Variants in B4GALNT2 observed in about 807,000 individuals in gnomAD.
B4GALNT2 encodes beta-1,4-N-acetyl-galactosaminyltransferase 2 (SID blood group).
Under a neutral mutation model 51.1 loss-of-function variants are expected in B4GALNT2, and 42 were observed. The observed-to-expected ratio is 0.82, with a 90% CI of 0.64 to 1.06. The LOEUF (loss-of-function observed/expected upper bound fraction) is 1.06. B4GALNT2 is among the 50% of genes least tolerant of loss of function. B4GALNT2 has a pLI of 0.00. For missense variants in B4GALNT2, 602 were observed against 633.6 expected (o/e 0.95, Z 0.54); for synonymous variants, 253 against 251.7 (o/e 1.01, Z -0.05).
intron 1 of B4GALNT2, among the ~76,000 whole-genome samples, chr17:49,138,327 C>G (rs2042608640): frequency 6.6e-6 from 1 of 152,182 alleles, no homozygotes; most frequent in African/African-American, 2.4e-5. Flanking sequence ...TATGGGCCAC[C>G]TAAGAGTCTG....
chr17:49,173,238 G>A lies in B4GALNT2; in HGVS notation c.*3510G>A, dbSNP rs979407066. ...AAAGCCATCAGTTGCTCATCTGTGT[G>A]GAATCGTAGTTGAGCATTTTCAATT... On this transcript the variant is annotated 3_prime_UTR_variant, in exon 11 of 11. Transcript: ENST00000393354. The A allele has an allele frequency of 1.3e-5, 2 of 152,190 alleles. No individual in the cohort carries two copies. The allele number at this position is 152,190 out of a possible 1,614,324, so 9.4% of individuals were successfully genotyped here. A position where few individuals can be genotyped will look rare whatever the true frequency, so the allele number is the denominator to read the frequency against.
At chr17:49,148,858 C>G in intron 3 of B4GALNT2, 1 of 224,122 alleles carries the variant, frequency 4.5e-6, no homozygotes, top group Non-Finnish European at 8.8e-6. Flanking sequence ...GAGATCAAGA[C>G]CATCCTGGCC....
At chr17:49,163,864 T>C (rs2042886095) in intron 7 of B4GALNT2, among the ~76,000 whole-genome samples, 2 of 150,876 alleles carry the variant, frequency 1.3e-5, no homozygotes, top group Admixed American at 1.3e-4. Flanking sequence ...AATGACATAG[T>C]GGAGCCAACA....
At position 49,166,194 on chromosome 17, in the gene B4GALNT2, C is replaced by A; in HGVS notation, c.1035C>A (p.Phe345Leu). 1 of 1,614,150 alleles carries A rather than the reference C, an allele frequency of 6.2e-7. No homozygotes were observed. Among genetic ancestry groups the A allele is most frequent in the Non-Finnish European group, 8.5e-7 (1 of 1,180,014 alleles). The part of the protein sequence containing the change: ...YVLWVDDDFL[F>L]NEETKIEVLV... ...TCTGGGTGGACGATGATTTTCTCTT[C>A]AACGAGGAGACCAAGATTGAGGTGC... Residue 345 changes from phenylalanine (F) to leucine (L), a missense_variant, in exon 9 of 11, where the codon TTC (phenylalanine) becomes TTA (leucine). Physicochemically the swap from Phe to Leu is conservative, Grantham distance 22. Coordinates refer to ENST00000393354, the MANE Select transcript of B4GALNT2 (RefSeq NM_001159387.2).
In B4GALNT2 at chr17:49,174,352, C is replaced by G. The variant is rs145061069; in HGVS notation, c.*4624C>G. The G allele has an allele frequency of 3.3e-5, 5 of 152,324 alleles. No individual in the cohort carries two copies. Among genetic ancestry groups the G allele is most frequent in the African/African-American group, 4.8e-5 (2 of 41,574 alleles). The allele number at this position is 152,324 out of a possible 1,614,324, so 9.4% of individuals were successfully genotyped here. On this transcript the variant is annotated 3_prime_UTR_variant, in exon 11 of 11. Transcript: ENST00000393354. Reference sequence around the variant, plus strand: ...GACTGTTTAACATGCCTTGTGGCAACAGTTTCCAGTGAAAATGCTTAGCAG... The same window carrying G: ...GACTGTTTAACATGCCTTGTGGCAAGAGTTTCCAGTGAAAATGCTTAGCAG...
At chr17:49,152,680 A>C in intron 3 of B4GALNT2, 120 bp from the exon 4 acceptor site, 1 of 678,482 alleles carries the variant, frequency 1.5e-6, no homozygotes, top group Non-Finnish European at 2.4e-6. Context: ...AGACAGGGAC[A>C]ACCCAATTTT....
At chr17:49,139,389 C>T (rs972958589) in intron 1 of B4GALNT2, among the ~76,000 whole-genome samples, 4 of 152,176 alleles carry the variant, frequency 2.6e-5, no homozygotes, top group Admixed American at 2.6e-4. Context: ...CAGGCCTGGG[C>T]CACCATGCCC....
At chr17:49,162,827 C>T (rs111607347) in intron 7 of B4GALNT2, among the ~76,000 whole-genome samples, 1,685 of 134,856 alleles carry the variant, frequency 0.012, 28 homozygotes, top group African/African-American at 0.045. Context: ...GCAGGAGAAT[C>T]GCTTGAACCT....
chr17:49,168,876 C>A lies in B4GALNT2; in HGVS notation c.1291C>A (p.Arg431Ser). 1 of 1,612,588 alleles carries A rather than the reference C, an allele frequency of 6.2e-7. No homozygotes were observed. The highest frequency in any genetic ancestry group is 8.5e-7 in the Non-Finnish European group (1 of 1,179,928). ...ERLQRVGFDP[R>S]LQRVAHSEFF... ...ACTCCAAAGAGTTGGCTTTGATCCC[C>A]GCCTGCAACGAGTGGCTCACTCAGG... Residue 431 changes from arginine to serine, a missense_variant, in exon 10 of 11, where the codon CGC becomes AGC. Physicochemically the swap from Arg to Ser is moderately radical, Grantham distance 110. Coordinates refer to ENST00000393354, the MANE Select transcript of B4GALNT2 (RefSeq NM_001159387.2).
intron 3 of B4GALNT2, among the ~76,000 whole-genome samples, chr17:49,144,024 C>T (rs1197431814): frequency 6.6e-6 from 1 of 152,098 alleles, no homozygotes; most frequent in Non-Finnish European, 1.5e-5. Context: ...TGGTGAGTGC[C>T]TGTAGTCCCA....
At position 49,173,704 on chromosome 17, in the gene B4GALNT2, G is replaced by C. The variant is rs1301721285; in HGVS notation, c.*3976G>C. The C allele has an allele frequency of 6.6e-6, 1 of 152,092 alleles. No individual in the cohort carries two copies. The highest frequency in any genetic ancestry group is 1.9e-4 in the East Asian group (1 of 5,194). The allele number at this position is 152,092 out of a possible 1,614,324, so 9.4% of individuals were successfully genotyped here. A position where few individuals can be genotyped will look rare whatever the true frequency, so the allele number is the denominator to read the frequency against. On this transcript the variant is annotated 3_prime_UTR_variant, in exon 11 of 11. Transcript: ENST00000393354. ...AGTTCTCCCATTTCCTATCATAGTA[G>C]CGATTTGATCCAAATAAGGAGTTAG... is the stretch of plus-strand genomic sequence containing the variant.
Position 49,164,125 on chromosome 17 carries a change from G to C in B4GALNT2, c.804G>C (p.Lys268Asn), listed in dbSNP as rs770437014. The change falls in exon 8 of 11, where the codon AAG becomes AAC. Residue 268 changes from lysine (K) to asparagine (N), a missense_variant. By Grantham distance (94) the Lys-to-Asn change is moderately conservative. Transcript: ENST00000393354. ...GAAACCTGGTTACCATTGCTACCAAGACTTTCCTCCGCCCCCACAAGCTCA... is the reference window on the plus strand; with the variant it reads ...GAAACCTGGTTACCATTGCTACCAACACTTTCCTCCGCCCCCACAAGCTCA... ...KLRNLVTIAT[K>N]TFLRPHKLMI... The C allele has an allele frequency of 2.2e-5, 35 of 1,614,036 alleles. No homozygotes were observed. The highest frequency in any genetic ancestry group is 3.0e-5 in the Non-Finnish European group (35 of 1,180,024).
At chr17:49,152,485 C>G (rs1023429605) in intron 3 of B4GALNT2, among the ~76,000 whole-genome samples, 2 of 152,110 alleles carry the variant, frequency 1.3e-5, no homozygotes, top group African/African-American at 4.8e-5. Flanking sequence ...ACCAGCCTAG[C>G]TAACATGGTG....
In B4GALNT2 at chr17:49,172,813, G is replaced by C. The variant is rs1180684627; in HGVS notation, c.*3085G>C. 1 of 152,118 alleles carries C rather than the reference G, an allele frequency of 6.6e-6. No individual in the cohort carries two copies. The highest frequency in any genetic ancestry group is 2.4e-5 in the African/African-American group (1 of 41,408). The allele number at this position is 152,118 out of a possible 1,614,324, so 9.4% of individuals were successfully genotyped here. ...ACTCTCCTGATTGGCATGTAGCCCA[G>C]ACAAAGTGAGAAAAGGTGTCCACAC... is the stretch of plus-strand genomic sequence containing the variant. On this transcript the variant is annotated 3_prime_UTR_variant, in exon 11 of 11. Coordinates refer to ENST00000393354, the MANE Select transcript of B4GALNT2 (RefSeq NM_001159387.2).
chr17:49,169,781 C>G lies in B4GALNT2; in HGVS notation c.*53C>G. ...GGCTGGCTGGTTATGGTATCTATAG[C>G]AGGCCACCAAAAACTGGACTCCTGA... On this transcript the variant is annotated 3_prime_UTR_variant, in exon 11 of 11. Transcript: ENST00000393354. The G allele has an allele frequency of 6.8e-7, 1 of 1,462,870 alleles. No homozygotes were observed. Among genetic ancestry groups the G allele is most frequent in the Non-Finnish European group, 9.1e-7 (1 of 1,095,764 alleles). 90.6% of individuals were successfully genotyped at this position (1,462,870 alleles called of 1,614,324 possible). A position where few individuals can be genotyped will look rare whatever the true frequency, so the allele number is the denominator to read the frequency against.
chr17:49,158,201 G>A (rs1392983199), intron 5 of B4GALNT2, among the ~76,000 whole-genome samples: 1 of 152,196 alleles, frequency 6.6e-6, no homozygotes, highest in African/African-American at 2.4e-5. Context: ...GGGAATGGAG[G>A]TGAGGGTGGG....
At chr17:49,162,987 G>T (rs1021359352) in intron 7 of B4GALNT2, among the ~76,000 whole-genome samples, 4 of 142,934 alleles carry the variant, frequency 2.8e-5, no homozygotes, top group Non-Finnish European at 6.1e-5. Flanking sequence ...CTGTCCAAAC[G>T]ACTTCTGATT....
intron 1 of B4GALNT2, among the ~76,000 whole-genome samples, 199 bp from the exon 2 acceptor site, chr17:49,141,048 C>G (rs1272741533): frequency 6.6e-6 from 1 of 151,240 alleles, no homozygotes; most frequent in East Asian, 1.9e-4. Flanking sequence ...GATTTTTTTG[C>G]CATCCTTTTA....
chr17:49,125,465 TG>T, the B4GALNT2 span, among the ~76,000 whole-genome samples: 1 of 152,066 alleles, frequency 6.6e-6, no homozygotes, highest in South Asian at 2.1e-4. Context: ...TGGCCAAGCT[TG>T]GGATTTTAAT....
Sources: gnomAD v4.1 joint callset for allele counts (sites outside exome capture counted in the v4.1 genomes callset) on GRCh38, gnomAD v4.1.1 for gene constraint, MANE v1.5 for transcripts, NCBI Gene and HGNC (gene_info 2026-07-23, HGNC 2026-07-21) for gene names.